The following FIGN variants were observed in gnomAD, a reference collection of about 807,000 sequenced individuals.
FIGN encodes fidgetin, microtubule severing factor, also known as fidgetin.
In FIGN, 11 loss-of-function variants were observed where a neutral mutation model predicts 51.3. The observed-to-expected ratio is 0.21, with a 90% CI of 0.13 to 0.35. The LOEUF (loss-of-function observed/expected upper bound fraction) is 0.35, where lower values mean the gene tolerates loss of function less well. Among genes scored for constraint, FIGN ranks in the 10% least tolerant of loss-of-function variants. The pLI, the probability that FIGN is intolerant of heterozygous loss-of-function variation, is 1.00. For missense variants in FIGN, 857 were observed against 943.6 expected (o/e 0.91, Z 1.20); for synonymous variants, 407 against 363.2 (o/e 1.12, Z -1.37).
intron 2 of FIGN, among the ~76,000 whole-genome samples, chr2:163,632,944 A>T (rs959229390): frequency 6.6e-6 from 1 of 152,160 alleles, no homozygotes; most frequent in Non-Finnish European, 1.5e-5. Context: ...TAATCCAAGC[A>T]CTTAGGGAAG....
intron 2 of FIGN, among the ~76,000 whole-genome samples, chr2:163,700,318 T>C (rs527576229): frequency 6.6e-6 from 1 of 151,992 alleles, no homozygotes; most frequent in African/African-American, 2.4e-5. Context: ...TGGAAGGCTG[T>C]TAAGGGTACA....
rs181023489 is a variant in FIGN at position 163,719,774 on chromosome 2, C to T, written c.25+15129G>A. On this transcript the variant is annotated intron_variant, in intron 2 of 2. Coordinates refer to ENST00000333129, the MANE Select transcript of FIGN (RefSeq NM_018086.4). ...GAAAAACGAAGAATCACTTTGATCA[C>T]GTAGCATATCAAGACTAAAATTTTG... Among the ~76,000 whole-genome samples, 351 of 152,200 alleles carry T rather than the reference C, an allele frequency of 2.3e-3. 2 individuals are homozygous for T. Among genetic ancestry groups the T allele is most frequent in the African/African-American group, 8.2e-3 (341 of 41,528 alleles).
At chr2:163,680,190 T>G (rs771588397) in intron 2 of FIGN, among the ~76,000 whole-genome samples, 43 of 152,342 alleles carry the variant, frequency 2.8e-4, no homozygotes, top group Admixed American at 7.2e-4. Context: ...CAGTATTGGG[T>G]GTACACATTA....
chr2:163,620,737 A>C (rs1460487531), intron 2 of FIGN, among the ~76,000 whole-genome samples: 1 of 152,092 alleles, frequency 6.6e-6, no homozygotes, highest in East Asian at 1.9e-4. Flanking sequence ...TTTATTTAAG[A>C]AACATCTGGC....
intron 2 of FIGN, among the ~76,000 whole-genome samples, chr2:163,683,136 C>A (rs1288744932): frequency 1.3e-5 from 2 of 152,130 alleles, no homozygotes; most frequent in Admixed American, 1.3e-4. Flanking sequence ...ATCTTTCTCC[C>A]TTTTCCTCCC....
chr2:163,686,038 A>C (rs1209134079), intron 2 of FIGN, among the ~76,000 whole-genome samples: 2 of 152,380 alleles, frequency 1.3e-5, no homozygotes, highest in Middle Eastern at 3.4e-3. Context: ...TTTCGCAGTA[A>C]GCCTTATAAC....
At chr2:163,644,913 A>G (rs1683359334) in intron 2 of FIGN, among the ~76,000 whole-genome samples, 1 of 152,164 alleles carries the variant, frequency 6.6e-6, no homozygotes. Flanking sequence ...TCTTAGGGCT[A>G]TGGCAGGGGA....
chr2:163,617,585 A>G (rs1446990107), intron 2 of FIGN, among the ~76,000 whole-genome samples: 1 of 152,154 alleles, frequency 6.6e-6, no homozygotes, highest in East Asian at 1.9e-4. Context: ...TTTGCATAAT[A>G]TAGTATTTTA....
At chr2:163,647,637 T>C (rs1395346397) in intron 2 of FIGN, among the ~76,000 whole-genome samples, 2 of 152,198 alleles carry the variant, frequency 1.3e-5, no homozygotes, top group Admixed American at 6.5e-5. Context: ...GTTCTGTGTT[T>C]TTCTTCCATA....
At chr2:163,721,978 AT>A (rs1481934566) in intron 2 of FIGN, among the ~76,000 whole-genome samples, 2 of 152,198 alleles carry the variant, frequency 1.3e-5, no homozygotes, top group African/African-American at 4.8e-5. Flanking sequence ...ATAATTTAAC[AT>A]TTGATCAAAT....
chr2:163,678,010 T>A (rs1255855450), intron 2 of FIGN, among the ~76,000 whole-genome samples: 1 of 152,242 alleles, frequency 6.6e-6, no homozygotes, highest in Non-Finnish European at 1.5e-5. Flanking sequence ...AGAGTTGCTA[T>A]ATATCCTACA....
chr2:163,678,302 C>T (rs551452716), intron 2 of FIGN, among the ~76,000 whole-genome samples: 3 of 152,032 alleles, frequency 2.0e-5, no homozygotes, highest in African/African-American at 7.3e-5. Context: ...CTCACTGCAA[C>T]CTCCACCTCC....
intron 2 of FIGN, among the ~76,000 whole-genome samples, chr2:163,707,329 C>T (rs568782708): frequency 6.3e-4 from 93 of 148,156 alleles, no homozygotes; most frequent in South Asian, 3.3e-3. Flanking sequence ...GCACTCCACC[C>T]TAGCGACAGA....
Position 163,607,451 on chromosome 2 carries a change from C to T in FIGN, c.*2101G>A, listed in dbSNP as rs528736955. On this transcript the variant is annotated 3_prime_UTR_variant, in exon 3 of 3. Coordinates refer to ENST00000333129, the MANE Select transcript of FIGN (RefSeq NM_018086.4). ...GGTTCAATTGCTCAGTTTTTAGCAA[C>T]ATAAAAAATAAAAAAAGGGGAGTAA... The T allele has an allele frequency of 1.5e-4, 23 of 151,646 alleles. No individual in the cohort carries two copies. Among genetic ancestry groups the T allele is most frequent in the Non-Finnish European group, 2.9e-4 (20 of 67,884 alleles). The allele number at this position is 151,646 out of a possible 1,614,324, so 9.4% of individuals were successfully genotyped here.
At position 163,609,328 on chromosome 2, in the gene FIGN, C is replaced by A. The variant is rs1691178328; in HGVS notation, c.*224G>T. On this transcript the variant is annotated 3_prime_UTR_variant, in exon 3 of 3. Coordinates refer to ENST00000333129, the MANE Select transcript of FIGN (RefSeq NM_018086.4). Reference sequence around the variant, plus strand: ...GTTGTCTAGCTTGAACAGAACTGAGCATCCACATATGCTTTCTGTCATCTG... The same window carrying A: ...GTTGTCTAGCTTGAACAGAACTGAGAATCCACATATGCTTTCTGTCATCTG... The A allele has an allele frequency of 3.6e-6, 2 of 554,068 alleles. No homozygotes were observed. The highest frequency in any genetic ancestry group is 3.3e-5 in the Admixed American group (1 of 30,656). 34.3% of individuals were successfully genotyped at this position (554,068 alleles called of 1,614,324 possible). A position where few individuals can be genotyped will look rare whatever the true frequency, so the allele number is the denominator to read the frequency against.
intron 2 of FIGN, among the ~76,000 whole-genome samples, chr2:163,717,880 T>C (rs1459358973): frequency 1.3e-5 from 2 of 152,208 alleles, no homozygotes; most frequent in Non-Finnish European, 2.9e-5. Context: ...GTAACCTTTC[T>C]TGAAATGTAA....
chr2:163,609,637 G>A lies in FIGN; in HGVS notation c.2195C>T (p.Ala732Val). The A allele has an allele frequency of 1.2e-6, 2 of 1,614,048 alleles. No homozygotes were observed. The highest frequency in any genetic ancestry group is 1.7e-6 in the Non-Finnish European group (2 of 1,180,020). Residue 732 changes from alanine (A) to valine (V), a missense_variant, in exon 3 of 3, where the codon GCT becomes GTT. Transcript: ENST00000333129. The part of the protein sequence containing the change: ...RPVTYQDFEN[A>V]FCKIQPSISQ... ...TATGCTAGGCTGAATCTTGCAGAAA[G>A]CATTTTCAAAGTCTTGATATGTAAC...
At chr2:163,629,856 G>A (rs902976294) in intron 2 of FIGN, among the ~76,000 whole-genome samples, 3 of 151,712 alleles carry the variant, frequency 2.0e-5, no homozygotes, top group African/African-American at 7.3e-5. Context: ...ATGAGGCATG[G>A]GTGAGAATTG....
intron 2 of FIGN, among the ~76,000 whole-genome samples, chr2:163,677,698 A>C (rs2105337139): frequency 6.6e-6 from 1 of 152,190 alleles, no homozygotes; most frequent in Admixed American, 6.5e-5. Flanking sequence ...ATTCAAAATC[A>C]TTTTCTTTTG....
Sources: gnomAD v4.1 joint callset for allele counts (sites outside exome capture counted in the v4.1 genomes callset) on GRCh38, gnomAD v4.1.1 for gene constraint, MANE v1.5 for transcripts, NCBI Gene and HGNC (gene_info 2026-07-23, HGNC 2026-07-21) for gene names.